SCGB2B2: variants seen among roughly 807,000 people sequenced by gnomAD.
SCGB2B2 encodes secretoglobin-like protein.
SCGB2B2 carries 11 observed loss-of-function variants against 7.6 expected under a neutral mutation model. The ratio of observed to expected loss-of-function variants is 1.45; its 90% CI spans 0.91 to 2.40. The LOEUF is 2.40. Among genes scored for constraint, SCGB2B2 ranks in the 30% most tolerant of loss-of-function variants. The probability of loss-of-function intolerance (pLI) is 0.00; values close to 1 mark genes in which losing one functional copy is unlikely to be tolerated. For synonymous variants in SCGB2B2, 50 were observed against 48.6 expected (o/e 1.03, Z -0.12); for missense variants, 104 against 115.4 (o/e 0.90, Z 0.45).
chr19:34,597,541 A>T (rs1462935637), intron 1 of SCGB2B2, among the ~76,000 whole-genome samples: 1 of 152,142 alleles, frequency 6.6e-6, no homozygotes, highest in Non-Finnish European at 1.5e-5. Context: ...AGTTCCATGA[A>T]GGTTTAGACC....
chr19:34,631,306 T>A (rs921118414), intron 1 of SCGB2B2, among the ~76,000 whole-genome samples: 1 of 121,538 alleles, frequency 8.2e-6, no homozygotes, highest in Non-Finnish European at 1.6e-5. Flanking sequence ...ACATTATGAG[T>A]TTTTTTTTTT....
At chr19:34,642,743 G>A (rs1285530915) in intron 1 of SCGB2B2, among the ~76,000 whole-genome samples, 3 of 84,206 alleles carry the variant, frequency 3.6e-5, no homozygotes, top group African/African-American at 7.3e-5. Flanking sequence ...AAAAAAAGTG[G>A]GCAAAGGACA....
chr19:34,603,776 A>T (rs1431235157), intron 1 of SCGB2B2, among the ~76,000 whole-genome samples: 1 of 142,944 alleles, frequency 7.0e-6, no homozygotes, highest in South Asian at 2.2e-4. Flanking sequence ...ATAATATCTT[A>T]TTTTTTAATG....
intron 1 of SCGB2B2, among the ~76,000 whole-genome samples, chr19:34,641,116 A>G (rs1170033649): frequency 7.2e-5 from 11 of 151,748 alleles, no homozygotes; most frequent in African/African-American, 2.4e-4. Context: ...CTCAAATACT[A>G]TTGAGCTGCT....
At chr19:34,604,782 C>T (rs773419115) in intron 1 of SCGB2B2, among the ~76,000 whole-genome samples, 3 of 152,072 alleles carry the variant, frequency 2.0e-5, no homozygotes, top group Non-Finnish European at 2.9e-5. Flanking sequence ...CATATTCCTC[C>T]ATTATTACAT....
rs2065277629 is a variant in SCGB2B2 at position 34,590,700 on chromosome 19, A to G, written c.*2855T>C. Reference sequence around the variant, plus strand: ...TCCTTATACCAACAATACAGAGATCATCACATATCATTAAGAATAACAGAG... The same window carrying G: ...TCCTTATACCAACAATACAGAGATCGTCACATATCATTAAGAATAACAGAG... On this transcript the variant is annotated 3_prime_UTR_variant, in exon 4 of 4. Coordinates refer to ENST00000601241, the MANE Select transcript of SCGB2B2 (RefSeq NM_001025591.4). 6.6e-6 allele frequency among the ~76,000 whole-genome samples: 1 copy of G among 152,132 alleles called. No individual in the cohort carries two copies. The highest frequency in any genetic ancestry group is 6.5e-5 in the Admixed American group (1 of 15,276).
chr19:34,623,301 A>C (rs909792522), intron 1 of SCGB2B2, among the ~76,000 whole-genome samples: 17 of 152,316 alleles, frequency 1.1e-4, no homozygotes, highest in Non-Finnish European at 2.1e-4. Context: ...TGACGATTAA[A>C]AGAGATCCAG....
chr19:34,598,996 G>A (rs1453307295), intron 1 of SCGB2B2, among the ~76,000 whole-genome samples: 2 of 152,228 alleles, frequency 1.3e-5, no homozygotes, highest in Non-Finnish European at 2.9e-5. Context: ...TTGGCCCTGC[G>A]GCCAGGCTGG....
At chr19:34,654,817 G>A (rs1256676020) in intron 1 of SCGB2B2, among the ~76,000 whole-genome samples, 1 of 150,684 alleles carries the variant, frequency 6.6e-6, no homozygotes, top group East Asian at 1.9e-4. Flanking sequence ...TAGCCTCTGG[G>A]CCTTCAATGA....
chr19:34,638,499 C>CAACAAA (rs966893410), intron 1 of SCGB2B2, among the ~76,000 whole-genome samples: 2 of 149,692 alleles, frequency 1.3e-5, no homozygotes, highest in Admixed American at 6.7e-5. Flanking sequence ...ACAATGACAA[C>CAACAAA]AACAAAAACA....
At chr19:34,608,710 T>C (rs1352857064) in intron 1 of SCGB2B2, 2 of 133,220 alleles carry the variant, frequency 1.5e-5, no homozygotes, top group Admixed American at 8.0e-5. Flanking sequence ...TCTTTTCACT[T>C]GTTGATGGAC....
downstream of SCGB2B2, among the ~76,000 whole-genome samples, chr19:34,586,385 C>G (rs1014860240): frequency 1.3e-5 from 2 of 152,202 alleles, no homozygotes; most frequent in African/African-American, 4.8e-5. Flanking sequence ...ACATCCCTCA[C>G]TTCCAAATGC....
At chr19:34,601,133 T>C (rs1407134079) in intron 1 of SCGB2B2, among the ~76,000 whole-genome samples, 1 of 152,208 alleles carries the variant, frequency 6.6e-6, no homozygotes, top group East Asian at 1.9e-4. Flanking sequence ...CCAGTACCAT[T>C]TAGGAGAAGA....
chr19:34,667,917 C>T (rs1212014084), intron 1 of SCGB2B2, among the ~76,000 whole-genome samples: 1 of 152,142 alleles, frequency 6.6e-6, no homozygotes, highest in Admixed American at 6.5e-5. Flanking sequence ...CAGCTGCGCC[C>T]CTCTGCTGAT....
chr19:34,662,072 A>G (rs1756343615), intron 1 of SCGB2B2, among the ~76,000 whole-genome samples: 1 of 151,778 alleles, frequency 6.6e-6, no homozygotes, highest in Non-Finnish European at 1.5e-5. Context: ...AGTGGAGAGG[A>G]GCTTTCACCA....
At chr19:34,656,067 C>T (rs1419521791) in intron 1 of SCGB2B2, among the ~76,000 whole-genome samples, 1 of 151,262 alleles carries the variant, frequency 6.6e-6, no homozygotes, top group African/African-American at 2.5e-5. Context: ...ACACCAAAAT[C>T]CAACCACTCA....
chr19:34,652,848 T>C (rs2067194956), intron 1 of SCGB2B2, among the ~76,000 whole-genome samples: 1 of 151,382 alleles, frequency 6.6e-6, no homozygotes, highest in South Asian at 2.1e-4. Flanking sequence ...AGAATCCCAT[T>C]ACTGGGTACA....
rs922896057 is a variant in SCGB2B2 at position 34,594,084 on chromosome 19, G to A, written c.246+91C>T. 22 of 1,073,900 alleles carry A rather than the reference G, an allele frequency of 2.0e-5. No individual in the cohort carries two copies. The African/African-American group carries it at 2.7e-4, about 13-fold the overall frequency. The allele number at this position is 1,073,900 out of a possible 1,614,324, so 66.5% of individuals were successfully genotyped here. A position where few individuals can be genotyped will look rare whatever the true frequency, so the allele number is the denominator to read the frequency against. The stretch of plus-strand genomic sequence containing the variant: ...TGGGATGTGGCTTCCTGCTTAAAAC[G>A]TGGAAAGCAGGATGGAAGGCAAGTG... On this transcript the variant is annotated intron_variant, in intron 3 of 3. Coordinates refer to ENST00000601241, the MANE Select transcript of SCGB2B2 (RefSeq NM_001025591.4).
chr19:34,587,928 C>A (rs1225619698), downstream of SCGB2B2, among the ~76,000 whole-genome samples: 1 of 152,124 alleles, frequency 6.6e-6, no homozygotes, highest in African/African-American at 2.4e-5. Flanking sequence ...ATTTGTTTGG[C>A]CAGTATTTTG....
Sources: allele counts gnomAD v4.1 joint callset (sites outside exome capture counted in the v4.1 genomes callset), GRCh38; gene constraint gnomAD v4.1.1; transcripts MANE v1.5; gene names NCBI Gene and HGNC (gene_info 2026-07-23, HGNC 2026-07-21).